TMEM178B: variants seen among roughly 807,000 people sequenced by gnomAD.
The protein encoded by TMEM178B is transmembrane protein 178B.
A neutral mutation model predicts 31.0 loss-of-function variants in TMEM178B; 5 were observed. The observed-to-expected ratio is 0.16, with a 90% CI of 0.08 to 0.34. TMEM178B has a LOEUF of 0.34. TMEM178B is among the 10% of genes least tolerant of loss of function. The pLI, the probability that TMEM178B is intolerant of heterozygous loss-of-function variation, is 1.00. For missense variants in TMEM178B, 275 were observed against 400.3 expected (o/e 0.69, Z 2.67); for synonymous variants, 164 against 164.0 (o/e 1.00, Z 0.00).
intron 1 of TMEM178B, among the ~76,000 whole-genome samples, chr7:141,168,168 C>A (rs1302930603): frequency 1.3e-5 from 2 of 152,190 alleles, no homozygotes; most frequent in African/African-American, 2.4e-5. Flanking sequence ...GGAGATGGAT[C>A]ACCTACCTAG....
intron 2 of TMEM178B, among the ~76,000 whole-genome samples, chr7:141,408,365 C>G (rs1289696223): frequency 6.6e-6 from 1 of 152,114 alleles, no homozygotes; most frequent in Non-Finnish European, 1.5e-5. Context: ...GTGCCAAGCA[C>G]TGTATTAGAG....
At chr7:141,136,677 A>G (rs1337081032) in intron 1 of TMEM178B, among the ~76,000 whole-genome samples, 2 of 151,878 alleles carry the variant, frequency 1.3e-5, no homozygotes, top group Non-Finnish European at 2.9e-5. Context: ...CTCAACAGAA[A>G]AACAAAACAA....
chr7:141,290,917 G>A (rs1037369960), intron 2 of TMEM178B, among the ~76,000 whole-genome samples: 1 of 152,158 alleles, frequency 6.6e-6, no homozygotes, highest in Admixed American at 6.5e-5. Flanking sequence ...ACTTTATTCC[G>A]AAATAAAGTG....
intron 2 of TMEM178B, among the ~76,000 whole-genome samples, chr7:141,340,994 T>TA (rs958312970): frequency 6.6e-6 from 1 of 152,066 alleles, no homozygotes; most frequent in Non-Finnish European, 1.5e-5. Context: ...AGATAAGCTC[T>TA]AAAAAAAAGT....
chr7:141,361,820 A>G (rs919225409), intron 2 of TMEM178B, among the ~76,000 whole-genome samples: 1 of 152,240 alleles, frequency 6.6e-6, no homozygotes, highest in Admixed American at 6.5e-5. Flanking sequence ...AAAAGAAAAG[A>G]TAGAGTAGGC....
At chr7:141,141,209 G>A (rs1157522382) in intron 1 of TMEM178B, among the ~76,000 whole-genome samples, 1 of 151,812 alleles carries the variant, frequency 6.6e-6, no homozygotes, top group South Asian at 2.1e-4. Flanking sequence ...TTATTTTGTT[G>A]CTCCAATTGT....
At chr7:141,159,252 A>G (rs1327817511) in intron 1 of TMEM178B, among the ~76,000 whole-genome samples, 1 of 152,032 alleles carries the variant, frequency 6.6e-6, no homozygotes, top group Admixed American at 6.5e-5. Flanking sequence ...CCCACAATCT[A>G]TCCTATGTGT....
At chr7:141,405,438 C>A (rs151077386) in intron 2 of TMEM178B, among the ~76,000 whole-genome samples, 144 of 152,332 alleles carry the variant, frequency 9.5e-4, no homozygotes, top group African/African-American at 2.3e-3. Flanking sequence ...TTGACATGGA[C>A]CTTATTTGAT....
intron 2 of TMEM178B, among the ~76,000 whole-genome samples, chr7:141,324,117 G>C (rs988579757): frequency 2.0e-5 from 3 of 152,146 alleles, no homozygotes; most frequent in Admixed American, 6.5e-5. Flanking sequence ...AGAAACGTAG[G>C]GGGGAAGCAG....
intron 1 of TMEM178B, among the ~76,000 whole-genome samples, chr7:141,129,411 G>A (rs190097499): frequency 1.4e-4 from 22 of 152,240 alleles, no homozygotes; most frequent in African/African-American, 5.3e-4. Context: ...ACAATAAAGT[G>A]CTCAGCTCTG....
intron 3 of TMEM178B, among the ~76,000 whole-genome samples, chr7:141,447,144 G>T (rs1299596900): frequency 6.6e-6 from 1 of 152,142 alleles, no homozygotes; most frequent in African/African-American, 2.4e-5. Flanking sequence ...TTACGTTCAA[G>T]TTGGAGAGAC....
At chr7:141,447,255 G>T (rs1042188005) in intron 3 of TMEM178B, among the ~76,000 whole-genome samples, 1 of 152,098 alleles carries the variant, frequency 6.6e-6, no homozygotes, top group East Asian at 1.9e-4. Context: ...GGGCATGGCT[G>T]TTGTTAGAGA....
At chr7:141,397,822 C>A (rs989200145) in intron 2 of TMEM178B, among the ~76,000 whole-genome samples, 1 of 152,184 alleles carries the variant, frequency 6.6e-6, no homozygotes, top group African/African-American at 2.4e-5. Flanking sequence ...ATCTCTTCGC[C>A]CACCCGAGGC....
intron 2 of TMEM178B, among the ~76,000 whole-genome samples, chr7:141,368,580 C>T (rs1443659648): frequency 6.6e-6 from 1 of 152,178 alleles, no homozygotes; most frequent in East Asian, 1.9e-4. Flanking sequence ...AGACTGAATA[C>T]AATTCTACTA....
In TMEM178B at chr7:141,116,964, C is replaced by T. The variant is rs187940083; in HGVS notation, c.382+42272C>T. Reference sequence around the variant, plus strand: ...CAAGTCTTTGCTATTGTCAACAGTGCTGCAATAAACTTGTGAGCATGTTGT... The same window carrying T: ...CAAGTCTTTGCTATTGTCAACAGTGTTGCAATAAACTTGTGAGCATGTTGT... On this transcript the variant is annotated intron_variant, in intron 1 of 3. Transcript: ENST00000565468. Among the ~76,000 whole-genome samples the T allele has an allele frequency of 2.3e-3, 356 of 152,270 alleles. 3 individuals are homozygous for T. The highest frequency in any genetic ancestry group is 8.2e-3 in the African/African-American group (342 of 41,550).
chr7:141,266,760 T>A (rs985770369), intron 2 of TMEM178B, among the ~76,000 whole-genome samples: 3 of 152,352 alleles, frequency 2.0e-5, no homozygotes, highest in African/African-American at 7.2e-5. Context: ...TACAGGACAT[T>A]TTTCAGAAAT....
rs1037615466 is a variant in TMEM178B at position 141,249,255 on chromosome 7, T to C, written c.496+36551T>C. ...AGTGAATAAGTCTCCTGAGATCTGA[T>C]GGTTTTATCAGGGGTTTCCACGTTT... On this transcript the variant is annotated intron_variant, in intron 2 of 3. Coordinates refer to ENST00000565468, the MANE Select transcript of TMEM178B (RefSeq NM_001195278.2). Among the ~76,000 whole-genome samples, 3 of 152,326 alleles carry C rather than the reference T, an allele frequency of 2.0e-5. No individual in the cohort carries two copies. The East Asian group carries it at 5.8e-4, about 29-fold the overall frequency.
At chr7:141,424,941 G>C (rs1801285958) in intron 2 of TMEM178B, among the ~76,000 whole-genome samples, 1 of 152,196 alleles carries the variant, frequency 6.6e-6, no homozygotes, top group Non-Finnish European at 1.5e-5. Flanking sequence ...GAAAAGCACT[G>C]AGGAATAGAA....
At chr7:141,448,051 C>A (rs1438507510) in intron 3 of TMEM178B, among the ~76,000 whole-genome samples, 4 of 151,702 alleles carry the variant, frequency 2.6e-5, no homozygotes, top group African/African-American at 9.7e-5. Context: ...TGCTTGTAAA[C>A]CCCCTTCTCC....
Sources: gnomAD v4.1 joint callset for allele counts (sites outside exome capture counted in the v4.1 genomes callset) on GRCh38, gnomAD v4.1.1 for gene constraint, MANE v1.5 for transcripts, NCBI Gene and HGNC (gene_info 2026-07-23, HGNC 2026-07-21) for gene names.